RHBDD1: variants seen among roughly 807,000 people sequenced by gnomAD.
RHBDD1 encodes the protein rhomboid domain containing 1, also known as rhomboid-related protein 4.
Under a neutral mutation model 36.3 loss-of-function variants are expected in RHBDD1, and 38 were observed. The ratio of observed to expected loss-of-function variants is 1.05; its 90% confidence interval spans 0.81 to 1.37. The LOEUF is 1.37. Ranked by LOEUF, RHBDD1 falls within the 40% of genes most tolerant of loss-of-function variation. The pLI, the probability that RHBDD1 is intolerant of heterozygous loss-of-function variation, is 0.00. For missense variants in RHBDD1, 393 were observed against 377.6 expected (o/e 1.04, Z -0.34); for synonymous variants, 151 against 136.5 (o/e 1.11, Z -0.74).
At chr2:226,838,436 T>A (rs1340462529) in intron 2 of RHBDD1, among the ~76,000 whole-genome samples, 1 of 152,242 alleles carries the variant, frequency 6.6e-6, no homozygotes, top group Non-Finnish European at 1.5e-5. Context: ...GCTCTGAATC[T>A]TGCCTCTGCT....
intron 8 of RHBDD1, among the ~76,000 whole-genome samples, chr2:226,957,059 T>G (rs188838322): frequency 1.1e-3 from 171 of 152,344 alleles, no homozygotes; most frequent in African/African-American, 4.0e-3. Flanking sequence ...GTAATAGATC[T>G]TAGCAAAAAT....
intron 5 of RHBDD1, among the ~76,000 whole-genome samples, chr2:226,904,156 G>A (rs941507396): frequency 3.3e-5 from 5 of 152,180 alleles, no homozygotes; most frequent in Admixed American, 6.5e-5. Flanking sequence ...TTTGTGGAAA[G>A]GCAGAGGGTT....
chr2:226,805,864 T>C, the RHBDD1 span, among the ~76,000 whole-genome samples: 1 of 152,196 alleles, frequency 6.6e-6, no homozygotes, highest in African/African-American at 2.4e-5. Flanking sequence ...TAGGTCACCA[T>C]GTCCCTCTCA....
chr2:226,816,446 G>A, the RHBDD1 span, among the ~76,000 whole-genome samples: 1 of 151,374 alleles, frequency 6.6e-6, no homozygotes, highest in Non-Finnish European at 1.5e-5. Context: ...TCTGGAGAAG[G>A]TTACTTTGAA....
At chr2:226,915,364 T>C (rs1045288584) in intron 8 of RHBDD1, among the ~76,000 whole-genome samples, 1 of 152,022 alleles carries the variant, frequency 6.6e-6, no homozygotes. Context: ...GAATGGACAA[T>C]AAGAGAAGAA....
the RHBDD1 span, among the ~76,000 whole-genome samples, chr2:226,806,653 A>C: frequency 2.0e-5 from 3 of 152,184 alleles, no homozygotes; most frequent in African/African-American, 7.2e-5. Context: ...ACTCAGACTC[A>C]CTTACAACGA....
intron 8 of RHBDD1, chr2:226,988,539 G>A: frequency 6.9e-7 from 1 of 1,452,310 alleles, no homozygotes; most frequent in South Asian, 1.5e-5. Flanking sequence ...ACTGTGCCAG[G>A]CTGGCCCTCT....
chr2:226,882,418 G>A (rs1422351602), intron 5 of RHBDD1, among the ~76,000 whole-genome samples: 2 of 110,478 alleles, frequency 1.8e-5, no homozygotes, highest in African/African-American at 7.5e-5. Flanking sequence ...CAACAAGAGT[G>A]AGACTTTGCC....
chr2:226,875,668 A>G (rs1432202235), intron 5 of RHBDD1, among the ~76,000 whole-genome samples: 2 of 152,252 alleles, frequency 1.3e-5, no homozygotes, highest in African/African-American at 2.4e-5. Flanking sequence ...TTTGGAAATA[A>G]TAGGGCAGAT....
chr2:226,927,597 T>C (rs1223957041), intron 8 of RHBDD1, among the ~76,000 whole-genome samples: 1 of 152,118 alleles, frequency 6.6e-6, no homozygotes, highest in Non-Finnish European at 1.5e-5. Context: ...CTGCCGGCAG[T>C]ATATGAGAGT....
chr2:226,924,545 C>T (rs1949543909), intron 8 of RHBDD1, among the ~76,000 whole-genome samples: 1 of 152,190 alleles, frequency 6.6e-6, no homozygotes, highest in African/African-American at 2.4e-5. Flanking sequence ...GGCATGTCCC[C>T]CAGGTCCACT....
intron 8 of RHBDD1, among the ~76,000 whole-genome samples, chr2:226,958,322 AG>A (rs545021454): frequency 0.01 from 1,532 of 152,340 alleles, 11 homozygotes; most frequent in Non-Finnish European, 0.018. Context: ...TGGCCATAAT[AG>A]GCAATCCATG....
At chr2:226,895,360 T>C (rs1334119054) in intron 5 of RHBDD1, among the ~76,000 whole-genome samples, 2 of 152,074 alleles carry the variant, frequency 1.3e-5, no homozygotes, top group Non-Finnish European at 2.9e-5. Flanking sequence ...GTAGCTGTGC[T>C]CCTGACCACT....
Position 226,969,394 on chromosome 2 carries a change from CT to C in RHBDD1, c.857-26017del, listed in dbSNP as rs77924848. ...TTGCTCTGGGCTAAGACAGCTCAGC[CT>C]TTTTTTTTTTTTTTTTTTTAAGGAA... On this transcript the variant is annotated intron_variant, in intron 8 of 8. Coordinates refer to ENST00000392062, the MANE Select transcript of RHBDD1 (RefSeq NM_001167608.3). Among the ~76,000 whole-genome samples the C allele has an allele frequency of 7.8e-3, 898 of 115,508 alleles. 8 individuals carry two copies. The highest frequency in any genetic ancestry group is 0.024 in the African/African-American group (742 of 30,742). The allele number at this position is 115,508 out of a possible 152,430, so 75.8% of individuals were successfully genotyped here. A position where few individuals can be genotyped will look rare whatever the true frequency, so the allele number is the denominator to read the frequency against.
intron 3 of RHBDD1, among the ~76,000 whole-genome samples, chr2:226,855,461 A>G (rs1207050780): frequency 6.6e-6 from 1 of 152,214 alleles, no homozygotes; most frequent in African/African-American, 2.4e-5. Flanking sequence ...CTATGATTGT[A>G]CCACTGCACT....
At chr2:226,967,775 G>T (rs1238831141) in intron 8 of RHBDD1, among the ~76,000 whole-genome samples, 2 of 152,118 alleles carry the variant, frequency 1.3e-5, no homozygotes, top group African/African-American at 4.8e-5. Context: ...AAATGTGTGT[G>T]TGAGAGGGCT....
intron 8 of RHBDD1, among the ~76,000 whole-genome samples, chr2:226,932,391 A>C (rs1950077886): frequency 1.3e-5 from 2 of 152,146 alleles, no homozygotes; most frequent in Admixed American, 6.6e-5. Flanking sequence ...TCCTCGATTT[A>C]ATGAATTCTG....
upstream of RHBDD1, among the ~76,000 whole-genome samples, chr2:226,835,111 A>G (rs1222262611): frequency 6.6e-6 from 1 of 151,992 alleles, no homozygotes; most frequent in African/African-American, 2.4e-5. Context: ...AGGTCTCACT[A>G]TGTTGTCCAG....
intron 8 of RHBDD1, among the ~76,000 whole-genome samples, chr2:226,951,395 A>C (rs1439236008): frequency 6.6e-6 from 1 of 152,222 alleles, no homozygotes; most frequent in Non-Finnish European, 1.5e-5. Flanking sequence ...TAGTTAACTC[A>C]TATTTTTTGT....
Sources: gnomAD v4.1 joint callset for allele counts (sites outside exome capture counted in the v4.1 genomes callset) on GRCh38, gnomAD v4.1.1 for gene constraint, MANE v1.5 for transcripts, NCBI Gene and HGNC (gene_info 2026-07-23, HGNC 2026-07-21) for gene names.